Variants in GPC6 observed in about 807,000 individuals in gnomAD.
The protein encoded by GPC6 is glypican-6.
Under a neutral mutation model 55.2 loss-of-function variants are expected in GPC6, and 14 were observed. The observed-to-expected ratio is 0.25, with a 90% confidence interval of 0.17 to 0.40. The LOEUF (loss-of-function observed/expected upper bound fraction) is 0.40. Among genes scored for constraint, GPC6 ranks in the 10% least tolerant of loss-of-function variants. The pLI is 1.00. For missense variants in GPC6, 641 were observed against 708.5 expected, an observed-to-expected ratio of 0.90 and a Z score of 1.08; for synonymous variants, 278 against 259.6, an observed-to-expected ratio of 1.07 and a Z score of -0.68.
chr13:93,419,891 G>A (rs1876863064), intron 1 of GPC6, among the ~76,000 whole-genome samples: 1 of 152,250 alleles, frequency 6.6e-6, no homozygotes, highest in East Asian at 1.9e-4. Context: ...CTGCCCTACT[G>A]TGTCTATTAT....
At chr13:94,287,604 C>T (rs1892565664) in intron 5 of GPC6, among the ~76,000 whole-genome samples, 1 of 152,092 alleles carries the variant, frequency 6.6e-6, no homozygotes, top group Non-Finnish European at 1.5e-5. Flanking sequence ...GCTAGAGTTT[C>T]ATAAGCCTTT....
intron 6 of GPC6, among the ~76,000 whole-genome samples, chr13:94,361,026 A>G (rs1879036863): frequency 6.6e-6 from 1 of 152,214 alleles, no homozygotes; most frequent in Admixed American, 6.5e-5. Context: ...ATTTGATGAC[A>G]TCTCACTAAA....
intron 3 of GPC6, among the ~76,000 whole-genome samples, chr13:93,909,302 G>A (rs1313960731): frequency 6.6e-6 from 1 of 152,052 alleles, no homozygotes; most frequent in Non-Finnish European, 1.5e-5. Flanking sequence ...TGATTAGAAA[G>A]CCTATTATTG....
intron 2 of GPC6, among the ~76,000 whole-genome samples, chr13:93,817,871 TAG>T (rs1886910085): frequency 5.1e-5 from 1 of 19,692 alleles, no homozygotes; most frequent in Non-Finnish European, 7.9e-5. Flanking sequence ...AAATAATGTA[TAG>T]ATAGATAGAT....
intron 2 of GPC6, among the ~76,000 whole-genome samples, chr13:93,712,146 G>A (rs4301888): frequency 0.94 from 141,931 of 151,774 alleles, 66,395 homozygotes; most frequent in Admixed American, 0.96. Context: ...GGAGTAGTCC[G>A]CTCTATCATG....
Position 93,509,920 on chromosome 13 carries a change from C to G in GPC6, c.161-35343C>G, listed in dbSNP as rs146107535. ...TGATTCTTAGGCGCCTGTGCAGATG[C>G]AGATTTCTCAGATACCTAGCACACA... is the stretch of plus-strand genomic sequence containing the variant. On this transcript the variant is annotated intron_variant, in intron 1 of 8. Transcript: ENST00000377047. 9.2e-4 allele frequency among the ~76,000 whole-genome samples: 140 copies of G among 152,278 alleles called. 1 individual carries two copies. Among genetic ancestry groups the G allele is most frequent in the Non-Finnish European group, 1.4e-3 (94 of 68,014 alleles).
At chr13:94,068,797 A>G (rs1223233550) in intron 4 of GPC6, among the ~76,000 whole-genome samples, 1 of 152,150 alleles carries the variant, frequency 6.6e-6, no homozygotes, top group Non-Finnish European at 1.5e-5. Flanking sequence ...GGTCACACTG[A>G]TGGAAGAGGT....
chr13:93,947,881 G>GC (rs1211700877), intron 3 of GPC6, among the ~76,000 whole-genome samples: 1 of 152,090 alleles, frequency 6.6e-6, no homozygotes, highest in Non-Finnish European at 1.5e-5. Context: ...TATAGTCTGA[G>GC]CACGTAAGCC....
intron 6 of GPC6, among the ~76,000 whole-genome samples, chr13:94,368,541 A>G (rs929702287): frequency 1.3e-5 from 2 of 152,232 alleles, no homozygotes; most frequent in Non-Finnish European, 2.9e-5. Flanking sequence ...AATAAAGGGA[A>G]AACTGATATT....
intron 1 of GPC6, among the ~76,000 whole-genome samples, chr13:93,351,723 TCAAA>T (rs1880639886): frequency 6.6e-6 from 1 of 152,070 alleles, no homozygotes; most frequent in Non-Finnish European, 1.5e-5. Flanking sequence ...TTACTATATG[TCAAA>T]CAAATAATGC....
chr13:93,785,972 G>A (rs1885803707), intron 2 of GPC6, among the ~76,000 whole-genome samples: 1 of 151,938 alleles, frequency 6.6e-6, no homozygotes, highest in African/African-American at 2.4e-5. Context: ...GAAAGAGAAG[G>A]GACTCATCAA....
chr13:93,667,611 T>C (rs374023326), intron 2 of GPC6, among the ~76,000 whole-genome samples: 2 of 152,000 alleles, frequency 1.3e-5, no homozygotes, highest in South Asian at 2.1e-4. Context: ...TTTTGTATGT[T>C]TAGTAGACAC....
At chr13:93,568,617 A>T (rs1449585832) in intron 2 of GPC6, among the ~76,000 whole-genome samples, 3 of 152,190 alleles carry the variant, frequency 2.0e-5, no homozygotes, top group Non-Finnish European at 4.4e-5. Context: ...AAAAGAGAAG[A>T]TATCCAGAGT....
At chr13:94,196,110 G>A (rs1490439638) in intron 4 of GPC6, among the ~76,000 whole-genome samples, 1 of 151,550 alleles carries the variant, frequency 6.6e-6, no homozygotes, top group Non-Finnish European at 1.5e-5. Flanking sequence ...CTTGTCACTA[G>A]TGAAATAGAT....
chr13:93,815,977 A>T (rs1357157917), intron 2 of GPC6, among the ~76,000 whole-genome samples: 2 of 152,154 alleles, frequency 1.3e-5, no homozygotes, highest in Admixed American at 1.3e-4. Flanking sequence ...AGGTGTCTTA[A>T]CTTCCTTTAC....
intron 2 of GPC6, among the ~76,000 whole-genome samples, chr13:93,612,084 G>T (rs950150559): frequency 2.0e-5 from 3 of 152,052 alleles, no homozygotes. Flanking sequence ...TTCCAACCAC[G>T]TTTATTGTAA....
chr13:93,231,782 C>T (rs1876072579), intron 1 of GPC6, among the ~76,000 whole-genome samples: 1 of 151,894 alleles, frequency 6.6e-6, no homozygotes, highest in Admixed American at 6.6e-5. Context: ...ACATTTATCT[C>T]CACAGATTAG....
intron 4 of GPC6, among the ~76,000 whole-genome samples, chr13:94,112,509 T>C (rs1217050106): frequency 1.3e-5 from 2 of 152,142 alleles, no homozygotes; most frequent in South Asian, 2.1e-4. Context: ...TTAAAACTTA[T>C]GTTACACACT....
At chr13:93,680,618 A>G (rs374781391) in intron 2 of GPC6, among the ~76,000 whole-genome samples, 1 of 152,148 alleles carries the variant, frequency 6.6e-6, no homozygotes, top group African/African-American at 2.4e-5. Flanking sequence ...AATACAGAGT[A>G]AAGTCTCAAA....
Sources: gnomAD v4.1 joint callset for allele counts (sites outside exome capture counted in the v4.1 genomes callset) on GRCh38, gnomAD v4.1.1 for gene constraint, MANE v1.5 for transcripts, NCBI Gene and HGNC (gene_info 2026-07-23, HGNC 2026-07-21) for gene names.